Variants in SLC35D4 observed in about 807,000 individuals in gnomAD.
SLC35D4 encodes the protein UDP-N-acetylglucosamine transporter SLC35D4.
the SLC35D4 span, among the ~76,000 whole-genome samples, chr18:23,426,168 G>GA: frequency 6.6e-6 from 1 of 150,910 alleles, no homozygotes; most frequent in African/African-American, 2.4e-5. Context: ...TGATGGAGAA[G>GA]AAAAAAACAT....
the SLC35D4 span, among the ~76,000 whole-genome samples, chr18:23,364,902 C>CAAAAAAAAAAAAAAAAAA: frequency 1.3e-4 from 4 of 31,874 alleles, 2 homozygotes; most frequent in African/African-American, 7.2e-4. Context: ...GACTCTGTCT[C>CAAAAAAAAAAAAAAAAAA]AAAAAAAAAA....
chr18:23,341,504 T>C, the SLC35D4 span, among the ~76,000 whole-genome samples: 9 of 152,324 alleles, frequency 5.9e-5, no homozygotes, highest in Middle Eastern at 3.4e-3. Flanking sequence ...CTGTGTATTT[T>C]TTAGTCTTCA....
the SLC35D4 span, among the ~76,000 whole-genome samples, chr18:23,323,991 G>A: frequency 6.6e-6 from 1 of 151,650 alleles, no homozygotes; most frequent in South Asian, 2.1e-4. Flanking sequence ...GCTGAGGCAG[G>A]AGAATCACTT....
At chr18:23,381,546 T>C in the SLC35D4 span, among the ~76,000 whole-genome samples, 1 of 152,190 alleles carries the variant, frequency 6.6e-6, no homozygotes, top group Admixed American at 6.5e-5. Flanking sequence ...TTCTTAGATT[T>C]ATAAAGGAAA....
At chr18:23,257,505 T>A in the SLC35D4 span, 1 of 969,640 alleles carries the variant, frequency 1.0e-6, no homozygotes, top group Non-Finnish European at 1.5e-6. Flanking sequence ...GGAGAAGCAG[T>A]ACTAGAAACT....
At chr18:23,436,574 C>T in the SLC35D4 span, among the ~76,000 whole-genome samples, 13 of 152,152 alleles carry the variant, frequency 8.5e-5, no homozygotes, top group Admixed American at 3.3e-4. Flanking sequence ...ATGCGGATCA[C>T]CTGAGGTCAG....
the SLC35D4 span, chr18:23,371,530 G>A: frequency 2.1e-6 from 3 of 1,398,994 alleles, no homozygotes; most frequent in Non-Finnish European, 2.0e-6. Flanking sequence ...ATGGAATCCA[G>A]TGTGGCCATC....
chr18:23,333,432 T>A, the SLC35D4 span, among the ~76,000 whole-genome samples: 1 of 152,208 alleles, frequency 6.6e-6, no homozygotes, highest in African/African-American at 2.4e-5. Flanking sequence ...GCACAGAATA[T>A]ATATAGCATA....
the SLC35D4 span, among the ~76,000 whole-genome samples, chr18:23,393,155 T>C: frequency 2.0e-5 from 3 of 152,120 alleles, no homozygotes; most frequent in Non-Finnish European, 4.4e-5. Context: ...GACTTCATGA[T>C]CCATCCACCT....
At chr18:23,334,909 G>A in the SLC35D4 span, among the ~76,000 whole-genome samples, 1 of 152,148 alleles carries the variant, frequency 6.6e-6, no homozygotes, top group Non-Finnish European at 1.5e-5. Flanking sequence ...AGCAGGCAGA[G>A]GCAGGAGAAT....
chr18:23,252,962 A>T, the SLC35D4 span: 2 of 1,604,966 alleles, frequency 1.2e-6, no homozygotes, highest in South Asian at 2.2e-5. Context: ...TGTTACAGAC[A>T]ACAGTGATTG....
At chr18:23,318,995 C>A in the SLC35D4 span, among the ~76,000 whole-genome samples, 3 of 151,450 alleles carry the variant, frequency 2.0e-5, no homozygotes, top group Non-Finnish European at 4.4e-5. Context: ...AGGTGCATGC[C>A]ACCATGCCTG....
the SLC35D4 span, among the ~76,000 whole-genome samples, chr18:23,418,765 T>C: frequency 6.6e-6 from 1 of 151,914 alleles, no homozygotes; most frequent in South Asian, 2.1e-4. Flanking sequence ...CCCAGCACTT[T>C]GGGAGGCCGA....
At chr18:23,243,032 G>T in the SLC35D4 span, among the ~76,000 whole-genome samples, 1 of 150,082 alleles carries the variant, frequency 6.7e-6, no homozygotes, top group African/African-American at 2.4e-5. Context: ...TATAAATATA[G>T]ATAAGTTATA....
At chr18:23,355,981 G>A in the SLC35D4 span, among the ~76,000 whole-genome samples, 12 of 152,234 alleles carry the variant, frequency 7.9e-5, no homozygotes, top group East Asian at 1.9e-4. Context: ...AGTGGTGATC[G>A]TGGCAGGACA....
chr18:23,243,787 G>T, the SLC35D4 span, among the ~76,000 whole-genome samples: 159 of 150,412 alleles, frequency 1.1e-3, 1 homozygote, highest in African/African-American at 3.9e-3. Context: ...CAGGAGAATC[G>T]CTTGAACCCG....
chr18:23,394,112 G>A, the SLC35D4 span, among the ~76,000 whole-genome samples: 2 of 152,104 alleles, frequency 1.3e-5, no homozygotes, highest in South Asian at 2.1e-4. Context: ...TCCTACTTTT[G>A]ATGTTTTGAA....
the SLC35D4 span, among the ~76,000 whole-genome samples, chr18:23,240,549 G>C: frequency 6.6e-6 from 1 of 152,266 alleles, no homozygotes; most frequent in Non-Finnish European, 1.5e-5. Context: ...CACTAGGCTA[G>C]TGTGAGGATC....
the SLC35D4 span, among the ~76,000 whole-genome samples, chr18:23,281,497 A>G: frequency 1.4e-4 from 21 of 151,934 alleles, no homozygotes; most frequent in South Asian, 4.2e-3. Context: ...TAATTTTTTT[A>G]TTTTTATTTT....
Sources: gnomAD v4.1 joint callset for allele counts (sites outside exome capture counted in the v4.1 genomes callset) on GRCh38, gnomAD v4.1.1 for gene constraint, MANE v1.5 for transcripts, NCBI Gene and HGNC (gene_info 2026-07-23, HGNC 2026-07-21) for gene names.